The following MYRIP variants were observed in gnomAD, a reference collection of about 807,000 sequenced individuals.
MYRIP encodes rab effector MyRIP.
In MYRIP, 49 loss-of-function variants were observed where a neutral mutation model predicts 98.0. The ratio of observed to expected loss-of-function variants is 0.50; its 90% CI spans 0.40 to 0.63. The LOEUF (loss-of-function observed/expected upper bound fraction) is 0.63. Ranked by LOEUF, MYRIP falls within the 30% of genes least tolerant of loss-of-function variation. The pLI is 0.00. For missense variants in MYRIP, 1,004 were observed against 1,058.2 expected, an observed-to-expected ratio of 0.95 and a Z score of 0.71; for synonymous variants, 404 against 409.5, an observed-to-expected ratio of 0.99 and a Z score of 0.16.
chr3:40,131,760 C>T (rs1949647796), intron 3 of MYRIP, among the ~76,000 whole-genome samples: 1 of 152,170 alleles, frequency 6.6e-6, no homozygotes, highest in Non-Finnish European at 1.5e-5. Context: ...TGTTTTTAAA[C>T]ATGCCATACT....
intron 3 of MYRIP, among the ~76,000 whole-genome samples, chr3:40,090,520 T>G (rs17185128): frequency 0.012 from 1,782 of 152,292 alleles, 18 homozygotes; most frequent in Middle Eastern, 0.027. Context: ...CCTATCATCA[T>G]TTCTGCTGAA....
intron 2 of MYRIP, among the ~76,000 whole-genome samples, chr3:40,010,493 A>G (rs891020258): frequency 2.0e-5 from 3 of 152,196 alleles, no homozygotes; most frequent in Non-Finnish European, 4.4e-5. Context: ...TTATAGACCT[A>G]CTTGCTTCCA....
intron 11 of MYRIP, among the ~76,000 whole-genome samples, chr3:40,228,459 G>T (rs1371360964): frequency 6.6e-6 from 1 of 152,178 alleles, no homozygotes; most frequent in Non-Finnish European, 1.5e-5. Flanking sequence ...CCAGGTGCCT[G>T]CTATCCCTAA....
At chr3:40,090,389 A>G (rs1032708785) in intron 3 of MYRIP, among the ~76,000 whole-genome samples, 5 of 152,100 alleles carry the variant, frequency 3.3e-5, no homozygotes, top group Admixed American at 6.5e-5. Context: ...TGGGGAAAAG[A>G]GGAAAGGAAG....
At chr3:39,846,160 G>C (rs1261026894) in intron 1 of MYRIP, among the ~76,000 whole-genome samples, 1 of 151,150 alleles carries the variant, frequency 6.6e-6, no homozygotes, top group Non-Finnish European at 1.5e-5. Context: ...AGTTAACAAA[G>C]GTGGTCCCCT....
At chr3:39,883,199 C>T (rs1943199031) in intron 1 of MYRIP, among the ~76,000 whole-genome samples, 1 of 152,132 alleles carries the variant, frequency 6.6e-6, no homozygotes, top group Admixed American at 6.6e-5. Flanking sequence ...TTGACAAACC[C>T]TCACTTTGGG....
Position 40,097,070 on chromosome 3 carries a change from G to A in MYRIP, c.332+52799G>A, listed in dbSNP as rs575409515. Among the ~76,000 whole-genome samples the A allele has an allele frequency of 2.6e-5, 4 of 152,294 alleles. No homozygotes were observed. The East Asian group carries it at 5.8e-4, about 22-fold the overall frequency. ...AGTGAAGCCTAGACCTTGACTCACT[G>A]CCTTTGCAAATAAAACCAACCACGA... On this transcript the variant is annotated intron_variant, in intron 3 of 16. Transcript: ENST00000302541.
At chr3:40,077,233 T>C (rs1948364254) in intron 3 of MYRIP, among the ~76,000 whole-genome samples, 1 of 152,170 alleles carries the variant, frequency 6.6e-6, no homozygotes, top group African/African-American at 2.4e-5. Context: ...CAAGATTTAT[T>C]GCAAAGAGCG....
intron 3 of MYRIP, among the ~76,000 whole-genome samples, chr3:40,054,091 A>T (rs972866899): frequency 9.9e-5 from 15 of 152,276 alleles, no homozygotes; most frequent in African/African-American, 3.6e-4. Context: ...TATCTGGACC[A>T]CAGAGGATGA....
At chr3:39,858,446 G>T (rs1942369654) in intron 1 of MYRIP, among the ~76,000 whole-genome samples, 1 of 152,092 alleles carries the variant, frequency 6.6e-6, no homozygotes, top group Non-Finnish European at 1.5e-5. Context: ...AACAGTAAAA[G>T]ATTTTAATAT....
chr3:40,131,865 G>C lies in MYRIP; in HGVS notation c.333-19183G>C, dbSNP rs11914619. On this transcript the variant is annotated intron_variant, in intron 3 of 16. Transcript: ENST00000302541. ...TCCTCTTTTCCAAAACTTTTAACTA[G>C]AAAAATATCTCTAATTTTTTTTTCA... Among the ~76,000 whole-genome samples, 1,161 of 151,688 alleles carry C rather than the reference G, an allele frequency of 7.7e-3. 15 individuals carry two copies. The highest frequency in any genetic ancestry group is 0.027 in the African/African-American group (1,114 of 41,350).
intron 3 of MYRIP, among the ~76,000 whole-genome samples, chr3:40,105,476 G>C (rs1949034146): frequency 6.6e-6 from 1 of 152,144 alleles, no homozygotes; most frequent in African/African-American, 2.4e-5. Flanking sequence ...CTTTACTCAT[G>C]GTGGAAGGCA....
chr3:40,083,864 G>A lies in MYRIP; in HGVS notation c.332+39593G>A, dbSNP rs534474643. 1.2e-4 allele frequency among the ~76,000 whole-genome samples: 18 copies of A among 152,190 alleles called. No individual in the cohort carries two copies. In the South Asian group the frequency reaches 1.5e-3, roughly 12 times the overall value. On this transcript the variant is annotated intron_variant, in intron 3 of 16. Coordinates refer to ENST00000302541, the MANE Select transcript of MYRIP (RefSeq NM_015460.4). ...AATATCAAGACATTCTCGGCCGGGC[G>A]CGGTGGCTCACGCCTGTAATCCCAA...
intron 13 of MYRIP, among the ~76,000 whole-genome samples, chr3:40,247,488 G>A (rs965854997): frequency 1.7e-4 from 26 of 151,932 alleles, no homozygotes; most frequent in South Asian, 2.1e-4. Flanking sequence ...TGATAAAACC[G>A]GGATTTTAAT....
chr3:40,078,153 C>T (rs1575519295), intron 3 of MYRIP, among the ~76,000 whole-genome samples: 1 of 152,352 alleles, frequency 6.6e-6, no homozygotes, highest in East Asian at 1.9e-4. Flanking sequence ...GTACACCCTC[C>T]GCAGCCGCTG....
In MYRIP at chr3:40,137,067, A is replaced by G. The variant is rs543060274; in HGVS notation, c.333-13981A>G. Among the ~76,000 whole-genome samples the G allele has an allele frequency of 1.1e-4, 16 of 152,266 alleles. No individual in the cohort carries two copies. In the East Asian group the frequency reaches 1.9e-3, roughly 18 times the overall value. On this transcript the variant is annotated intron_variant, in intron 3 of 16. Coordinates refer to ENST00000302541, the MANE Select transcript of MYRIP (RefSeq NM_015460.4). Reference sequence around the variant, plus strand: ...ACTGAAGGAAATAGAGACACAAAAAACCCTTCAAAAAATCAATGAATCCAG... The same window carrying G: ...ACTGAAGGAAATAGAGACACAAAAAGCCCTTCAAAAAATCAATGAATCCAG...
At chr3:39,848,947 G>A (rs1282178077) in intron 1 of MYRIP, among the ~76,000 whole-genome samples, 1 of 152,146 alleles carries the variant, frequency 6.6e-6, no homozygotes, top group East Asian at 1.9e-4. Context: ...AGCATGTTCA[G>A]ACCTCTGTAT....
chr3:40,138,240 G>T (rs1232601338), intron 3 of MYRIP, among the ~76,000 whole-genome samples: 2 of 152,152 alleles, frequency 1.3e-5, no homozygotes, highest in African/African-American at 4.8e-5. Context: ...CAGGAAAGGT[G>T]TGTTCACTTA....
intron 3 of MYRIP, among the ~76,000 whole-genome samples, chr3:40,085,427 G>A (rs1948607106): frequency 6.6e-6 from 1 of 152,092 alleles, no homozygotes; most frequent in Admixed American, 6.5e-5. Flanking sequence ...TGGGATTACA[G>A]GCACCCACCA....
Sources: allele counts gnomAD v4.1 joint callset (sites outside exome capture counted in the v4.1 genomes callset), GRCh38; gene constraint gnomAD v4.1.1; transcripts MANE v1.5; gene names NCBI Gene and HGNC (gene_info 2026-07-23, HGNC 2026-07-21).